Variants in TGFBR3 observed in about 807,000 individuals in gnomAD.
TGFBR3 encodes the protein transforming growth factor beta receptor 3.
TGFBR3 carries 46 observed loss-of-function variants against 87.9 expected under a neutral mutation model. The ratio of observed to expected loss-of-function variants is 0.52; its 90% CI spans 0.41 to 0.67. The LOEUF is 0.67. Ranked by LOEUF, TGFBR3 falls within the 30% of genes least tolerant of loss-of-function variation. The probability of loss-of-function intolerance (pLI) is 0.00; values close to 1 mark genes in which losing one functional copy is unlikely to be tolerated. For synonymous variants in TGFBR3, 381 were observed against 391.6 expected (o/e 0.97, Z 0.32); for missense variants, 866 against 1,041.9 (o/e 0.83, Z 2.32).
At chr1:91,848,064 T>A (rs1412062003) in intron 2 of TGFBR3, among the ~76,000 whole-genome samples, 1 of 152,164 alleles carries the variant, frequency 6.6e-6, no homozygotes, top group Non-Finnish European at 1.5e-5. Context: ...TCTGTGGAAC[T>A]CACTGCCTCA....
intron 16 of TGFBR3, among the ~76,000 whole-genome samples, chr1:91,693,546 G>A (rs1249264135): frequency 1.3e-5 from 2 of 152,178 alleles, no homozygotes; most frequent in East Asian, 3.9e-4. Context: ...TTGGCTGTGG[G>A]TAACAGTCTG....
chr1:91,716,214 A>G (rs1332844392), intron 12 of TGFBR3, 22 bp downstream of exon 12: 2 of 1,613,926 alleles, frequency 1.2e-6, no homozygotes, highest in East Asian at 4.5e-5. Flanking sequence ...CTAAAAGGTC[A>G]AGGCTAACTT....
chr1:91,769,451 C>T (rs375924687), intron 3 of TGFBR3, among the ~76,000 whole-genome samples: 5 of 152,024 alleles, frequency 3.3e-5, no homozygotes. Context: ...GTTAACCTTC[C>T]CCTTTGCCCC....
In TGFBR3 at chr1:91,729,942, C is replaced by T; in HGVS notation, c.600G>A (p.Gly200=). ...GGTAATTGAGTGAGAGAAAATTCTT[C>T]CCTATGTTGCACTTTGGAGGGAACA... ...DQVFPPKCNI[G]KNFLSLNYLA... The change falls in exon 6 of 17, where the codon GGG becomes GGA. Residue 200 remains glycine (G), a synonymous_variant. Coordinates refer to ENST00000212355, the MANE Select transcript of TGFBR3 (RefSeq NM_003243.5). 1 of 1,614,140 alleles carries T rather than the reference C, an allele frequency of 6.2e-7. No homozygotes were observed. Among genetic ancestry groups the T allele is most frequent in the Non-Finnish European group, 8.5e-7 (1 of 1,180,022 alleles).
In TGFBR3 at chr1:91,853,913, G is replaced by C. The variant is rs180850164; in HGVS notation, c.61+7558C>G. ...CTGTAGTCCCAGTCAGGAGGCCAAG[G>C]CAGGAGAATCACTCGAACCCGGGAG... is the stretch of plus-strand genomic sequence containing the variant. On this transcript the variant is annotated intron_variant, in intron 2 of 16. Transcript: ENST00000212355. 1.5e-3 allele frequency among the ~76,000 whole-genome samples: 221 copies of C among 152,234 alleles called. 2 individuals carry two copies. Among genetic ancestry groups the C allele is most frequent in the Non-Finnish European group, 2.9e-4 (20 of 68,016 alleles).
At chr1:91,798,621 C>T (rs1338145016) in intron 2 of TGFBR3, among the ~76,000 whole-genome samples, 1 of 152,210 alleles carries the variant, frequency 6.6e-6, no homozygotes, top group Non-Finnish European at 1.5e-5. Flanking sequence ...TCCACTACTG[C>T]ATTTACATGA....
intron 3 of TGFBR3, among the ~76,000 whole-genome samples, chr1:91,789,901 A>G (rs765637713): frequency 1.2e-4 from 19 of 152,196 alleles, no homozygotes; most frequent in Non-Finnish European, 2.2e-4. Flanking sequence ...TTTAAATTGC[A>G]TTGAGTGTCT....
At chr1:91,832,768 C>T (rs1266327883) in intron 2 of TGFBR3, among the ~76,000 whole-genome samples, 1 of 151,970 alleles carries the variant, frequency 6.6e-6, no homozygotes, top group Admixed American at 6.6e-5. Context: ...TTTGGGAGGC[C>T]GAGGCAGGCG....
chr1:91,895,333 T>G (rs1290771067), intron 2 of TGFBR3, among the ~76,000 whole-genome samples: 1 of 152,156 alleles, frequency 6.6e-6, no homozygotes, highest in African/African-American at 2.4e-5. Flanking sequence ...GCTTCCACCA[T>G]GTGAAACACC....
chr1:91,708,816 G>T, intron 13 of TGFBR3, 33 bp from the exon 14 acceptor site: 1 of 1,611,848 alleles, frequency 6.2e-7, no homozygotes, highest in South Asian at 1.1e-5. Context: ...ACAGAATCAG[G>T]GGCCACTCAA....
chr1:91,725,650 G>C, intron 7 of TGFBR3, among the ~76,000 whole-genome samples: 1 of 152,170 alleles, frequency 6.6e-6, no homozygotes, highest in East Asian at 1.9e-4. Context: ...CTCAGCTAAT[G>C]AACCACAAAC....
chr1:91,729,292 A>ACG (rs1039196551), intron 6 of TGFBR3, among the ~76,000 whole-genome samples: 21 of 94,780 alleles, frequency 2.2e-4, no homozygotes, highest in Non-Finnish European at 5.4e-4. Flanking sequence ...GCATACACAC[A>ACG]CACACACACA....
chr1:91,801,911 A>AT (rs1675643686), intron 2 of TGFBR3, among the ~76,000 whole-genome samples: 1 of 152,254 alleles, frequency 6.6e-6, no homozygotes, highest in South Asian at 2.1e-4. Context: ...CCTGAAAAAC[A>AT]TAACTGGATA....
At chr1:91,695,480 T>C (rs1671403388) in intron 16 of TGFBR3, 192 bp downstream of exon 16, 1 of 619,414 alleles carries the variant, frequency 1.6e-6, no homozygotes, top group South Asian at 1.8e-5. Flanking sequence ...AGTTTAAACC[T>C]TCCTTTTCTT....
chr1:91,876,030 A>G (rs527375866), intron 1 of TGFBR3, among the ~76,000 whole-genome samples: 1 of 149,748 alleles, frequency 6.7e-6, no homozygotes, highest in African/African-American at 2.5e-5. Flanking sequence ...AAAATGGGGG[A>G]AAAAGGATAG....
chr1:91,704,490 C>T (rs1671728023), intron 14 of TGFBR3, among the ~76,000 whole-genome samples: 1 of 152,176 alleles, frequency 6.6e-6, no homozygotes, highest in South Asian at 2.1e-4. Context: ...GCTCTGGAAT[C>T]ACAGTGCCTG....
At chr1:91,701,301 T>C (rs1199571274) in intron 14 of TGFBR3, among the ~76,000 whole-genome samples, 2 of 152,024 alleles carry the variant, frequency 1.3e-5, no homozygotes, top group African/African-American at 4.8e-5. Flanking sequence ...GGTTAAAGAA[T>C]TCTATCCTCG....
intron 2 of TGFBR3, among the ~76,000 whole-genome samples, chr1:91,850,780 CAAAAAAA>C (rs61025683): frequency 3.1e-4 from 18 of 58,430 alleles, no homozygotes; most frequent in Non-Finnish European, 3.9e-4. Context: ...GACCCTGTCT[CAAAAAAA>C]AAAAAAAAAA....
chr1:91,683,083 T>C lies in TGFBR3; in HGVS notation c.*656A>G. The C allele has an allele frequency of 2.2e-6, 1 of 454,542 alleles. No individual in the cohort carries two copies. Among genetic ancestry groups the C allele is most frequent in the Non-Finnish European group, 4.4e-6 (1 of 226,800 alleles). The allele number at this position is 454,542 out of a possible 1,614,324, so 28.2% of individuals were successfully genotyped here. ...AAGAAACAGGAAGCTGATAAGGTCATCAGCATTGGTTTTGGCCCAGGGCAC... is the reference window on the plus strand; with the variant it reads ...AAGAAACAGGAAGCTGATAAGGTCACCAGCATTGGTTTTGGCCCAGGGCAC... On this transcript the variant is annotated 3_prime_UTR_variant, in exon 17 of 17. Transcript: ENST00000212355.
Sources: gnomAD v4.1 joint callset for allele counts (sites outside exome capture counted in the v4.1 genomes callset) on GRCh38, gnomAD v4.1.1 for gene constraint, MANE v1.5 for transcripts, NCBI Gene and HGNC (gene_info 2026-07-23, HGNC 2026-07-21) for gene names.